The following BLCAP variants were observed in gnomAD, a reference collection of about 807,000 sequenced individuals.
The protein encoded by BLCAP is apoptosis inducing factor BLCAP.
A neutral mutation model predicts 5.7 loss-of-function variants in BLCAP; 1 was observed. That is an observed-to-expected ratio of 0.18 (90% CI 0.06 to 0.83). BLCAP has a LOEUF of 0.83. Ranked by LOEUF, BLCAP falls within the 40% of genes least tolerant of loss-of-function variation. BLCAP has a pLI of 0.71. For synonymous variants in BLCAP, 48 were observed against 49.4 expected, an observed-to-expected ratio of 0.97 and a Z score of 0.11; for missense variants, 66 against 107.6, an observed-to-expected ratio of 0.61 and a Z score of 1.71.
rs367695037 is a variant in BLCAP at position 37,519,217 on chromosome 20, G to A, written c.-43C>T. ...GCCTTCACCAAGGCTGCCGGGCACC[G>A]CTGCAGGAACCGACCTAATGGGAGC... On this transcript the variant is annotated 5_prime_UTR_variant, in exon 2 of 2. Coordinates refer to ENST00000373537, the MANE Select transcript of BLCAP (RefSeq NM_006698.4). The A allele has an allele frequency of 3.9e-6, 6 of 1,536,876 alleles. No homozygotes were observed. The highest frequency in any genetic ancestry group is 3.7e-5 in the South Asian group (3 of 82,120).
rs770470166 is a variant in BLCAP, at chr20:37,518,953, C to T, written c.222G>A (p.Pro74=). 2.5e-6 allele frequency: 4 copies of T among 1,614,140 alleles called. No homozygotes were observed. The highest frequency in any genetic ancestry group is 1.1e-5 in the South Asian group (1 of 91,082). Residue 74 remains proline, a synonymous_variant, in exon 2 of 2, where the codon CCG becomes CCA. Coordinates refer to ENST00000373537, the MANE Select transcript of BLCAP (RefSeq NM_006698.4). ...NCFLYHCSDS[P]LPESAHDPGV... is the part of the protein sequence containing the mutation. The stretch of plus-strand genomic sequence containing the variant: ...CGGGATCATGCGCCGATTCTGGAAG[C>T]GGGGAATCGGAGCAGTGGTACAGGA...
chr20:37,518,745 G>A lies in BLCAP; in HGVS notation c.*166C>T, dbSNP rs193121089. The A allele has an allele frequency of 1.6e-3, 1,520 of 972,966 alleles. 1 individual carries two copies. Among genetic ancestry groups the A allele is most frequent in the Admixed American group, 2.9e-3 (110 of 38,214 alleles). The allele number at this position is 972,966 out of a possible 1,614,324, so 60.3% of individuals were successfully genotyped here. A position where few individuals can be genotyped will look rare whatever the true frequency, so the allele number is the denominator to read the frequency against. On this transcript the variant is annotated 3_prime_UTR_variant, in exon 2 of 2. Transcript: ENST00000373537. ...GACTTTACAATAAAAGCACCGGTCA[G>A]TGCCATTATTCACATTGTAAGGATA...
chr20:37,521,599 T>C lies in BLCAP; in HGVS notation c.-176-2249A>G, dbSNP rs1003739849. 1 of 580,136 alleles carries C rather than the reference T, an allele frequency of 1.7e-6. No homozygotes were observed. Among genetic ancestry groups the C allele is most frequent in the South Asian group, 2.0e-5 (1 of 49,896 alleles). 35.9% of individuals were successfully genotyped at this position (580,136 alleles called of 1,614,324 possible). A position where few individuals can be genotyped will look rare whatever the true frequency, so the allele number is the denominator to read the frequency against. On this transcript the variant is annotated intron_variant, in intron 1 of 1. Coordinates refer to ENST00000373537, the MANE Select transcript of BLCAP (RefSeq NM_006698.4). The surrounding 1 kb of genome is among the most constrained non-coding windows in gnomAD (Gnocchi z 4.5). ...CCGTCCTCCTCGCGCTGACCCTCCC[T>C]AGTGCGCCCGCGCCTGCCAGGGAAC... is the stretch of plus-strand genomic sequence containing the variant.
intron 1 of BLCAP, among the ~76,000 whole-genome samples, chr20:37,524,824 G>A (rs1308397034): frequency 6.6e-6 from 1 of 152,128 alleles, no homozygotes; most frequent in Non-Finnish European, 1.5e-5. Flanking sequence ...TGCAGATCCC[G>A]GTTCTGGTCT....
At position 37,521,183 on chromosome 20, in the gene BLCAP, C is replaced by A; in HGVS notation, c.-176-1833G>T. 1 of 767,942 alleles carries A rather than the reference C, an allele frequency of 1.3e-6. No individual in the cohort carries two copies. Among genetic ancestry groups the A allele is most frequent in the South Asian group, 1.6e-5 (1 of 64,362 alleles). The allele number at this position is 767,942 out of a possible 1,614,324, so 47.6% of individuals were successfully genotyped here. Reference sequence around the variant, plus strand: ...CCAGCCACCCCTCCTCATAAACACCCCCCAAGGCGCGCATGCGCACTTAGG... The same window carrying A: ...CCAGCCACCCCTCCTCATAAACACCACCCAAGGCGCGCATGCGCACTTAGG... On this transcript the variant is annotated intron_variant, in intron 1 of 1. Coordinates refer to ENST00000373537, the MANE Select transcript of BLCAP (RefSeq NM_006698.4). The surrounding 1 kb of genome is among the most constrained non-coding windows in gnomAD (Gnocchi z 4.5).
Position 37,517,891 on chromosome 20 carries a change from C to T in BLCAP, c.*1020G>A, listed in dbSNP as rs1366491847. Reference sequence around the variant, plus strand: ...TGCTAAATAAAAACTGTAGCGGCACCTACCATATATAGCTAGCTATTGCTA... The same window carrying T: ...TGCTAAATAAAAACTGTAGCGGCACTTACCATATATAGCTAGCTATTGCTA... On this transcript the variant is annotated 3_prime_UTR_variant, in exon 2 of 2. Transcript: ENST00000373537. 6.6e-6 allele frequency: 1 copy of T among 152,658 alleles called. No individual in the cohort carries two copies. Among genetic ancestry groups the T allele is most frequent in the East Asian group, 1.9e-4 (1 of 5,206 alleles). 9.5% of individuals were successfully genotyped at this position (152,658 alleles called of 1,614,324 possible). A position where few individuals can be genotyped will look rare whatever the true frequency, so the allele number is the denominator to read the frequency against.
chr20:37,527,371 A>C (rs981950490), intron 1 of BLCAP, among the ~76,000 whole-genome samples: 1 of 146,578 alleles, frequency 6.8e-6, no homozygotes. Context: ...CCCCCCCAAA[A>C]AAGCAACTAA....
Position 37,521,998 on chromosome 20 carries a change from C to A in BLCAP, c.-176-2648G>T, listed in dbSNP as rs1382227726. ...GCAGGAAAAATAAATCGGAGAAAAG[C>A]ACTTGGCAGAAAAAAATGCATTAGA... On this transcript the variant is annotated intron_variant, in intron 1 of 1. Transcript: ENST00000373537. This position sits in a 1 kb window ranked among gnomAD's most constrained non-coding sequence, Gnocchi z 4.5. 1.3e-5 allele frequency among the ~76,000 whole-genome samples: 2 copies of A among 148,486 alleles called. No homozygotes were observed. The highest frequency in any genetic ancestry group is 2.1e-4 in the South Asian group (1 of 4,688).
chr20:37,523,084 C>A, intron 1 of BLCAP: 1 of 281,630 alleles, frequency 3.6e-6, no homozygotes, highest in Non-Finnish European at 6.6e-6. Context: ...CAGCACCATC[C>A]CAGCCCCGAA....
At chr20:37,525,644 G>A (rs541051675) in intron 1 of BLCAP, among the ~76,000 whole-genome samples, 1 of 152,326 alleles carries the variant, frequency 6.6e-6, no homozygotes, top group East Asian at 1.9e-4. Context: ...AGAAGACAGT[G>A]CATTCACTTT....
At position 37,519,232 on chromosome 20, in the gene BLCAP, C is replaced by A; in HGVS notation, c.-58G>T. The A allele has an allele frequency of 3.3e-6, 5 of 1,510,806 alleles. No individual in the cohort carries two copies. Among genetic ancestry groups the A allele is most frequent in the Non-Finnish European group, 4.4e-6 (5 of 1,125,974 alleles). The allele number at this position is 1,510,806 out of a possible 1,614,324, so 93.6% of individuals were successfully genotyped here. A position where few individuals can be genotyped will look rare whatever the true frequency, so the allele number is the denominator to read the frequency against. On this transcript the variant is annotated 5_prime_UTR_variant, in exon 2 of 2. It adds an upstream start codon to the 5' untranslated region. Transcript: ENST00000373537. The stretch of plus-strand genomic sequence containing the variant: ...GCCGGGCACCGCTGCAGGAACCGAC[C>A]TAATGGGAGCCAGCGGGCGCAGGCG...
At chr20:37,526,044 C>G (rs1381769611) in intron 1 of BLCAP, among the ~76,000 whole-genome samples, 1 of 152,104 alleles carries the variant, frequency 6.6e-6, no homozygotes, top group Non-Finnish European at 1.5e-5. Context: ...GTGCAGGGTG[C>G]TATGTGACAC....
In BLCAP at chr20:37,519,001, G is replaced by C. The variant is rs2071467911; in HGVS notation, c.174C>G (p.Cys58Trp). 3.1e-6 allele frequency: 5 copies of C among 1,614,230 alleles called. No individual in the cohort carries two copies. Among genetic ancestry groups the C allele is most frequent in the Non-Finnish European group, 3.4e-6 (4 of 1,180,042 alleles). Reference sequence around the variant, plus strand: ...GGAAACAGTTTCCCCAGCAGCTATAGCAGATAAGGAACAGGGCTGCCAGGA... The same window carrying C: ...GGAAACAGTTTCCCCAGCAGCTATACCAGATAAGGAACAGGGCTGCCAGGA... ...LVFLAALFLI[C>W]YSCWGNCFLY... The change falls in exon 2 of 2, where the codon TGC (cysteine) becomes TGG (tryptophan). Residue 58 changes from cysteine to tryptophan, a missense_variant. Physicochemically the swap from Cys to Trp is radical, Grantham distance 215. Coordinates refer to ENST00000373537, the MANE Select transcript of BLCAP (RefSeq NM_006698.4).
In BLCAP at chr20:37,518,781, G is replaced by T; in HGVS notation, c.*130C>A. The T allele has an allele frequency of 3.1e-6, 4 of 1,309,222 alleles. No individual in the cohort carries two copies. The highest frequency in any genetic ancestry group is 3.1e-6 in the Non-Finnish European group (3 of 955,778). The allele number at this position is 1,309,222 out of a possible 1,614,324, so 81.1% of individuals were successfully genotyped here. ...CACATTGTAAGGATAAAACATCACA[G>T]GCCAAAAAGGCGCCGTCAGGAATGT... On this transcript the variant is annotated 3_prime_UTR_variant, in exon 2 of 2. Coordinates refer to ENST00000373537, the MANE Select transcript of BLCAP (RefSeq NM_006698.4).
chr20:37,522,007 G>GA (rs552135341), intron 1 of BLCAP, among the ~76,000 whole-genome samples: 3 of 149,704 alleles, frequency 2.0e-5, no homozygotes, highest in Non-Finnish European at 3.0e-5. Flanking sequence ...GCACTTGGCA[G>GA]AAAAAAATGC....
intron 1 of BLCAP, chr20:37,522,701 C>T: frequency 6.2e-7 from 1 of 1,612,174 alleles, no homozygotes; most frequent in Non-Finnish European, 8.5e-7. Context: ...CTGGCATACA[C>T]GGTGTCGCGG....
chr20:37,525,104 A>G (rs982909972), intron 1 of BLCAP, among the ~76,000 whole-genome samples: 2 of 152,164 alleles, frequency 1.3e-5, no homozygotes, highest in African/African-American at 4.8e-5. Flanking sequence ...TCAGCAGGCA[A>G]TGCCCACACC....
chr20:37,519,399 A>G (rs2071478566), intron 1 of BLCAP, 49 bp from the exon 2 acceptor site: 1 of 150,818 alleles, frequency 6.6e-6, no homozygotes, highest in South Asian at 2.6e-4. Flanking sequence ...GAACAGACAG[A>G]CAGACAAAAA....
chr20:37,521,402 AG>A lies in BLCAP; in HGVS notation c.-176-2053del. On this transcript the variant is annotated intron_variant, in intron 1 of 1. Transcript: ENST00000373537. The surrounding 1 kb of genome is among the most constrained non-coding windows in gnomAD (Gnocchi z 4.5). ...TGGTACATCTTCCGCGTGCTGCTGCAGGTAAGTCTGACGGGGTTTCGGGTGG... is the reference window on the plus strand; with the variant it reads ...TGGTACATCTTCCGCGTGCTGCTGCAGTAAGTCTGACGGGGTTTCGGGTGG... 6.2e-7 allele frequency: 1 copy of A among 1,614,082 alleles called. No individual in the cohort carries two copies. Among genetic ancestry groups the A allele is most frequent in the Middle Eastern group, 1.7e-4 (1 of 6,060 alleles).
Sources: gnomAD v4.1 joint callset for allele counts (sites outside exome capture counted in the v4.1 genomes callset) on GRCh38, gnomAD v4.1.1 for gene constraint, Gnocchi (gnomAD v3.1) non-coding constraint, MANE v1.5 for transcripts, NCBI Gene and HGNC (gene_info 2026-07-23, HGNC 2026-07-21) for gene names.